Variants in PRKCE observed in about 807,000 individuals in gnomAD.
PRKCE encodes protein kinase C epsilon type.
Under a neutral mutation model 85.4 loss-of-function variants are expected in PRKCE, and 16 were observed. The ratio of observed to expected loss-of-function variants is 0.19; its 90% CI spans 0.13 to 0.28. PRKCE has a LOEUF of 0.28. Among genes scored for constraint, PRKCE ranks in the 10% least tolerant of loss-of-function variants. PRKCE has a pLI of 1.00. For synonymous variants in PRKCE, 388 were observed against 371.5 expected (o/e 1.04, Z -0.51); for missense variants, 573 against 975.2 (o/e 0.59, Z 5.49).
In PRKCE at chr2:45,990,371, G is replaced by C. The variant is rs1232964478; in HGVS notation, c.823+5691G>C. ...CATCTTATCGCTTTTGATGTTTTCT[G>C]TTCATTAGAAGAGAATCACTACGTC... On this transcript the variant is annotated intron_variant, in intron 6 of 14. Transcript: ENST00000306156. Among the ~76,000 whole-genome samples the C allele has an allele frequency of 2.0e-5, 3 of 152,164 alleles. No individual in the cohort carries two copies. The South Asian group carries it at 6.2e-4, about 32-fold the overall frequency.
intron 1 of PRKCE, among the ~76,000 whole-genome samples, chr2:45,681,109 T>G (rs1676854155): frequency 6.6e-6 from 1 of 151,848 alleles, no homozygotes; most frequent in Admixed American, 6.6e-5. Context: ...GCCAAGATGC[T>G]AAAACCCCGT....
chr2:45,705,919 G>A (rs2104302626), intron 1 of PRKCE, among the ~76,000 whole-genome samples: 1 of 152,306 alleles, frequency 6.6e-6, no homozygotes, highest in Non-Finnish European at 1.5e-5. Flanking sequence ...TAACCTGGGT[G>A]TGGAGTGGGG....
chr2:45,672,814 C>T lies in PRKCE; in HGVS notation c.348+20366C>T, dbSNP rs1003323136. 9.2e-5 allele frequency among the ~76,000 whole-genome samples: 14 copies of T among 152,216 alleles called. 2 individuals are homozygous for T. The East Asian group carries it at 1.9e-3, about 21-fold the overall frequency. On this transcript the variant is annotated intron_variant, in intron 1 of 14. Transcript: ENST00000306156. The stretch of plus-strand genomic sequence containing the variant: ...GCTGAGGTGGGAGGATAGCTTGAGC[C>T]AGGAGTTTGAGACCAGCCTGGGCAA...
At chr2:45,731,165 C>G (rs1276484572) in intron 1 of PRKCE, among the ~76,000 whole-genome samples, 4 of 152,118 alleles carry the variant, frequency 2.6e-5, no homozygotes, top group Non-Finnish European at 5.9e-5. Flanking sequence ...TAGCATTGGC[C>G]TTTGTGTTTA....
chr2:46,033,817 G>A (rs757344296), intron 10 of PRKCE, among the ~76,000 whole-genome samples: 6 of 152,176 alleles, frequency 3.9e-5, no homozygotes, highest in Non-Finnish European at 8.8e-5. Context: ...AACTGGGCAT[G>A]GGAGGTGGCA....
chr2:46,039,094 A>G (rs1708062246), intron 10 of PRKCE, among the ~76,000 whole-genome samples: 4 of 152,214 alleles, frequency 2.6e-5, no homozygotes, highest in African/African-American at 9.6e-5. Flanking sequence ...TAGCTGGGCA[A>G]TTTTGGTCAA....
intron 2 of PRKCE, among the ~76,000 whole-genome samples, chr2:45,925,047 G>A (rs1276439262): frequency 2.0e-5 from 3 of 152,090 alleles, no homozygotes; most frequent in Admixed American, 6.5e-5. Flanking sequence ...GGGCTGGGCA[G>A]GGTGTTTTAA....
chr2:45,652,070 G>A lies in PRKCE; in HGVS notation c.-31G>A. ...CATTCCTGCCCTCGGGGCAGACGGA[G>A]TGACCCCGGCCCCCACTCCCCGCCC... On this transcript the variant is annotated 5_prime_UTR_variant, in exon 1 of 15. The change creates a new upstream start codon in the 5' untranslated region. Coordinates refer to ENST00000306156, the MANE Select transcript of PRKCE (RefSeq NM_005400.3). This position sits in a 1 kb window ranked among gnomAD's most constrained non-coding sequence, Gnocchi z 7.7. The A allele has an allele frequency of 6.7e-7, 1 of 1,487,102 alleles. No homozygotes were observed. Among genetic ancestry groups the A allele is most frequent in the Non-Finnish European group, 9.1e-7 (1 of 1,102,358 alleles). The allele number at this position is 1,487,102 out of a possible 1,614,324, so 92.1% of individuals were successfully genotyped here. A position where few individuals can be genotyped will look rare whatever the true frequency, so the allele number is the denominator to read the frequency against.
intron 1 of PRKCE, among the ~76,000 whole-genome samples, chr2:45,797,201 C>T (rs1334640394): frequency 6.6e-6 from 1 of 152,160 alleles, no homozygotes; most frequent in African/African-American, 2.4e-5. Context: ...GCACCCAAAC[C>T]CATTCTGGTG....
intron 11 of PRKCE, among the ~76,000 whole-genome samples, chr2:46,116,044 C>T (rs1022929234): frequency 6.6e-6 from 1 of 152,166 alleles, no homozygotes; most frequent in African/African-American, 2.4e-5. Context: ...TGATCATTTT[C>T]CCAGTGGCTT....
At chr2:46,120,065 A>G (rs957837198) in intron 11 of PRKCE, among the ~76,000 whole-genome samples, 1 of 152,216 alleles carries the variant, frequency 6.6e-6, no homozygotes, top group Non-Finnish European at 1.5e-5. Context: ...AGATGCTGTC[A>G]TTCTGGGACT....
intron 10 of PRKCE, among the ~76,000 whole-genome samples, chr2:46,054,530 A>G (rs1188429880): frequency 6.6e-6 from 1 of 152,206 alleles, no homozygotes; most frequent in Non-Finnish European, 1.5e-5. Flanking sequence ...AGAACAAAAA[A>G]TCTTCCATTC....
At chr2:45,740,147 C>A (rs1371499798) in intron 1 of PRKCE, among the ~76,000 whole-genome samples, 199 of 135,676 alleles carry the variant, frequency 1.5e-3, no homozygotes, top group African/African-American at 2.3e-3. Context: ...GACCCCATCT[C>A]AAAAAAAAAA....
intron 10 of PRKCE, among the ~76,000 whole-genome samples, chr2:46,014,469 G>A (rs188397974): frequency 1.3e-5 from 2 of 152,224 alleles, no homozygotes; most frequent in African/African-American, 2.4e-5. Flanking sequence ...CTGTTGATGT[G>A]AATGAAAGAC....
chr2:46,181,988 C>T (rs1680022315), intron 14 of PRKCE, among the ~76,000 whole-genome samples: 1 of 152,294 alleles, frequency 6.6e-6, no homozygotes, highest in Admixed American at 6.5e-5. Flanking sequence ...CATACCTGGG[C>T]AAGGCTCGTC....
intron 1 of PRKCE, among the ~76,000 whole-genome samples, chr2:45,772,278 TAA>T (rs199678263): frequency 1.2e-4 from 11 of 88,934 alleles, no homozygotes; most frequent in African/African-American, 8.6e-5. Context: ...CATCTCAAAA[TAA>T]AAAAAAAAAA....
chr2:45,807,230 T>C (rs1688312840), intron 1 of PRKCE, among the ~76,000 whole-genome samples: 2 of 152,214 alleles, frequency 1.3e-5, no homozygotes, highest in South Asian at 2.1e-4. Context: ...AGAGGTAATA[T>C]ACATAAAGTG....
chr2:45,780,137 C>T (rs527379461), intron 1 of PRKCE, among the ~76,000 whole-genome samples: 3 of 152,202 alleles, frequency 2.0e-5, no homozygotes, highest in African/African-American at 4.8e-5. Flanking sequence ...TTCATATCAT[C>T]AAATAGCTAA....
At chr2:46,007,060 G>A (rs920223513) in intron 8 of PRKCE, among the ~76,000 whole-genome samples, 4 of 152,160 alleles carry the variant, frequency 2.6e-5, no homozygotes, top group Non-Finnish European at 5.9e-5. Flanking sequence ...TTCTTGATTC[G>A]TTGTTCTCAT....
Sources: gnomAD v4.1 joint callset for allele counts (sites outside exome capture counted in the v4.1 genomes callset) on GRCh38, gnomAD v4.1.1 for gene constraint, Gnocchi (gnomAD v3.1) non-coding constraint, MANE v1.5 for transcripts, NCBI Gene and HGNC (gene_info 2026-07-23, HGNC 2026-07-21) for gene names.